Variants in ADCY2 observed in about 807,000 individuals in gnomAD.
The protein encoded by ADCY2 is adenylate cyclase 2.
A neutral mutation model predicts 125.2 loss-of-function variants in ADCY2; 31 were observed. The ratio of observed to expected loss-of-function variants is 0.25; its 90% CI spans 0.19 to 0.33. ADCY2 has a LOEUF of 0.33. ADCY2 is among the 10% of genes least tolerant of loss of function. The pLI, the probability that ADCY2 is intolerant of heterozygous loss-of-function variation, is 1.00. For synonymous variants in ADCY2, 512 were observed against 548.4 expected (o/e 0.93, Z 0.93); for missense variants, 904 against 1,418.2 (o/e 0.64, Z 5.82).
intron 18 of ADCY2, among the ~76,000 whole-genome samples, chr5:7,783,555 A>T (rs1743986277): frequency 6.6e-6 from 1 of 152,138 alleles, no homozygotes; most frequent in African/African-American, 2.4e-5. Flanking sequence ...AACAAGGACG[A>T]CACACAAGCA....
chr5:7,507,461 A>T (rs7718989), intron 2 of ADCY2, among the ~76,000 whole-genome samples: 46,214 of 113,682 alleles, frequency 0.41, 12,472 homozygotes, highest in Admixed American at 0.42. Flanking sequence ...AAAAAAAAAA[A>T]GGTAACAAAG....
At chr5:7,446,886 A>C (rs184889781) in intron 2 of ADCY2, among the ~76,000 whole-genome samples, 2 of 152,186 alleles carry the variant, frequency 1.3e-5, no homozygotes, top group African/African-American at 4.8e-5. Flanking sequence ...CTCTTCTACA[A>C]TGTTCTTCTA....
In ADCY2 at chr5:7,784,773, G is replaced by GA. The variant is rs5865733; in HGVS notation, c.2469+339dup. On this transcript the variant is annotated intron_variant, in intron 19 of 24. Coordinates refer to ENST00000338316, the MANE Select transcript of ADCY2 (RefSeq NM_020546.3). Reference sequence around the variant, plus strand: ...GTTCCTTCAATAACTGACACTATTTGAAAAAAAAAAAAAAATCTCCCCTTG... The same window carrying GA: ...GTTCCTTCAATAACTGACACTATTTGAAAAAAAAAAAAAAAATCTCCCCTTG... Among the ~76,000 whole-genome samples, 459 of 136,906 alleles carry GA rather than the reference G, an allele frequency of 3.4e-3. 2 individuals are homozygous for GA. Among genetic ancestry groups the GA allele is most frequent in the African/African-American group, 9.0e-3 (329 of 36,582 alleles). 89.8% of individuals were successfully genotyped at this position (136,906 alleles called of 152,430 possible).
intron 4 of ADCY2, among the ~76,000 whole-genome samples, chr5:7,684,231 T>TG (rs1195144607): frequency 3.7e-4 from 56 of 152,358 alleles, no homozygotes; most frequent in Non-Finnish European, 2.6e-4. Flanking sequence ...CTCACACTGG[T>TG]GCTGATCTAT....
intron 3 of ADCY2, among the ~76,000 whole-genome samples, chr5:7,568,431 C>T (rs1301163779): frequency 1.3e-5 from 2 of 151,814 alleles, no homozygotes; most frequent in African/African-American, 2.4e-5. Context: ...GTTTGACAGC[C>T]CTTTTTTTTT....
chr5:7,483,408 G>A (rs368241914), intron 2 of ADCY2, among the ~76,000 whole-genome samples: 1 of 150,124 alleles, frequency 6.7e-6, no homozygotes. Context: ...ATTGAAAACT[G>A]CAGTACATAA....
chr5:7,765,480 G>C (rs1245803130), intron 16 of ADCY2, among the ~76,000 whole-genome samples: 1 of 151,988 alleles, frequency 6.6e-6, no homozygotes, highest in Non-Finnish European at 1.5e-5. Context: ...ACGTTTCTTT[G>C]ATGCTTAAAT....
At chr5:7,649,771 A>G (rs191411653) in intron 4 of ADCY2, among the ~76,000 whole-genome samples, 1 of 152,336 alleles carries the variant, frequency 6.6e-6, no homozygotes, top group African/African-American at 2.4e-5. Flanking sequence ...CATTTGAATT[A>G]ATGAATATCT....
At chr5:7,526,150 G>A (rs775554232) in intron 3 of ADCY2, among the ~76,000 whole-genome samples, 4 of 152,220 alleles carry the variant, frequency 2.6e-5, no homozygotes, top group Non-Finnish European at 2.9e-5. Flanking sequence ...TCCTCCTGCG[G>A]TTGGCTTTCC....
At chr5:7,459,177 A>C (rs779628288) in intron 2 of ADCY2, among the ~76,000 whole-genome samples, 3 of 152,150 alleles carry the variant, frequency 2.0e-5, no homozygotes, top group Non-Finnish European at 2.9e-5. Context: ...GGACCAAGCC[A>C]ATTCTGCAAG....
At chr5:7,397,897 T>A (rs1011456068) in intron 1 of ADCY2, among the ~76,000 whole-genome samples, 12 of 152,118 alleles carry the variant, frequency 7.9e-5, no homozygotes, top group African/African-American at 2.9e-4. Flanking sequence ...ACCCTCACTC[T>A]CTCCACATGT....
At chr5:7,742,728 C>T (rs1181510859) in intron 14 of ADCY2, among the ~76,000 whole-genome samples, 1 of 152,158 alleles carries the variant, frequency 6.6e-6, no homozygotes, top group African/African-American at 2.4e-5. Flanking sequence ...AGGATGTCAG[C>T]TTGTGGCTGG....
chr5:7,455,035 T>G (rs1428545654), intron 2 of ADCY2, among the ~76,000 whole-genome samples: 1 of 151,996 alleles, frequency 6.6e-6, no homozygotes, highest in African/African-American at 2.4e-5. Flanking sequence ...GGCTATAGAG[T>G]AGACATCTAA....
chr5:7,466,615 C>T lies in ADCY2; in HGVS notation c.408+51845C>T, dbSNP rs1368332550. ...AGCATTTGGAAGAGAAGTGAAAACA[C>T]CACAGTCCCCCTAGGAAGCCACAGA... On this transcript the variant is annotated intron_variant, in intron 2 of 24. Transcript: ENST00000338316. Among the ~76,000 whole-genome samples the T allele has an allele frequency of 7.2e-5, 11 of 152,272 alleles. No homozygotes were observed. The East Asian group carries it at 7.7e-4, about 11-fold the overall frequency.
chr5:7,499,671 A>G (rs867108681), intron 2 of ADCY2, among the ~76,000 whole-genome samples: 5 of 123,258 alleles, frequency 4.1e-5, no homozygotes, highest in East Asian at 2.1e-4. Context: ...ATATATATAT[A>G]TATATATATA....
chr5:7,606,649 G>T (rs931559405), intron 3 of ADCY2, among the ~76,000 whole-genome samples: 1 of 152,010 alleles, frequency 6.6e-6, no homozygotes, highest in Non-Finnish European at 1.5e-5. Context: ...TAAACCAAAT[G>T]CTATCATACT....
At chr5:7,410,167 C>T (rs763157265) in intron 1 of ADCY2, among the ~76,000 whole-genome samples, 8 of 152,110 alleles carry the variant, frequency 5.3e-5, no homozygotes, top group Non-Finnish European at 1.0e-4. Context: ...TTCGACTTCT[C>T]CCACTGAAAA....
chr5:7,737,160 A>G (rs1742273978), intron 14 of ADCY2, among the ~76,000 whole-genome samples: 1 of 152,208 alleles, frequency 6.6e-6, no homozygotes, highest in Non-Finnish European at 1.5e-5. Context: ...AAGAAAACAA[A>G]TTGTCTTAGG....
intron 2 of ADCY2, among the ~76,000 whole-genome samples, chr5:7,435,692 A>G (rs903592482): frequency 2.0e-5 from 3 of 152,264 alleles, no homozygotes; most frequent in Non-Finnish European, 4.4e-5. Context: ...ATTTTGAGCC[A>G]AACTCTATTT....
Sources: allele counts gnomAD v4.1 joint callset (sites outside exome capture counted in the v4.1 genomes callset), GRCh38; gene constraint gnomAD v4.1.1; transcripts MANE v1.5; gene names NCBI Gene and HGNC (gene_info 2026-07-23, HGNC 2026-07-21).